The following SPATA13 variants were observed in gnomAD, a reference collection of about 807,000 sequenced individuals.
SPATA13 encodes the protein spermatogenesis-associated protein 13.
Under a neutral mutation model 104.0 loss-of-function variants are expected in SPATA13, and 50 were observed. The ratio of observed to expected loss-of-function variants is 0.48; its 90% CI spans 0.38 to 0.61. The LOEUF is 0.61. SPATA13 is among the 20% of genes least tolerant of loss of function. The pLI is 0.00. For synonymous variants in SPATA13, 606 were observed against 667.5 expected, an observed-to-expected ratio of 0.91 and a Z score of 1.42; for missense variants, 1,524 against 1,690.6, an observed-to-expected ratio of 0.90 and a Z score of 1.73.
chr13:24,056,439 AC>A (rs1489094665), intron 3 of SPATA13, among the ~76,000 whole-genome samples: 4 of 152,204 alleles, frequency 2.6e-5, no homozygotes, highest in Admixed American at 6.5e-5. Flanking sequence ...CCATTTCCAT[AC>A]AAGACATATG....
At chr13:24,195,187 A>G (rs1869984679) in intron 1 of SPATA13, among the ~76,000 whole-genome samples, 1 of 152,120 alleles carries the variant, frequency 6.6e-6, no homozygotes, top group African/African-American at 2.4e-5. Flanking sequence ...GACATTTCCT[A>G]TCAATGGAAT....
intron 4 of SPATA13, among the ~76,000 whole-genome samples, chr13:24,261,200 C>G (rs991377729): frequency 1.3e-5 from 2 of 152,112 alleles, no homozygotes; most frequent in African/African-American, 2.4e-5. Context: ...TCTGTTGCCT[C>G]GGAAAATGAT....
chr13:24,226,919 C>T (rs960232257), intron 2 of SPATA13, among the ~76,000 whole-genome samples: 1 of 152,244 alleles, frequency 6.6e-6, no homozygotes, highest in East Asian at 1.9e-4. Flanking sequence ...AGAAGTGAGA[C>T]TGCATATTGT....
chr13:24,167,979 G>A (rs1023515885), intron 1 of SPATA13, among the ~76,000 whole-genome samples: 6 of 151,986 alleles, frequency 3.9e-5, no homozygotes, highest in African/African-American at 1.5e-4. Flanking sequence ...GACAAAGTAG[G>A]GTTTTTTTGG....
chr13:24,182,147 G>A (rs1210707857), intron 1 of SPATA13, among the ~76,000 whole-genome samples: 2 of 152,174 alleles, frequency 1.3e-5, no homozygotes, highest in Non-Finnish European at 2.9e-5. Flanking sequence ...TGGGGAAAGA[G>A]GCCTGGCCAG....
At chr13:24,042,636 A>C (rs574192969) in intron 3 of SPATA13, among the ~76,000 whole-genome samples, 1 of 152,090 alleles carries the variant, frequency 6.6e-6, no homozygotes, top group Non-Finnish European at 1.5e-5. Context: ...ATTCATTACC[A>C]GGGGGTAAAC....
intron 7 of SPATA13, among the ~76,000 whole-genome samples, chr13:24,288,095 G>A (rs1418516759): frequency 6.6e-6 from 1 of 152,182 alleles, no homozygotes; most frequent in Non-Finnish European, 1.5e-5. Context: ...AGGGAAATAA[G>A]AGGAAGTGCC....
At chr13:24,116,245 G>C (rs1399028377) in intron 3 of SPATA13, among the ~76,000 whole-genome samples, 1 of 152,212 alleles carries the variant, frequency 6.6e-6, no homozygotes, top group Non-Finnish European at 1.5e-5. Flanking sequence ...TCTTCTCACT[G>C]TGTCCTCACG....
chr13:24,107,735 C>T (rs964601598), intron 3 of SPATA13, among the ~76,000 whole-genome samples: 2 of 152,144 alleles, frequency 1.3e-5, no homozygotes, highest in Non-Finnish European at 2.9e-5. Flanking sequence ...TGGGAGTTCC[C>T]AGATCCCAGA....
chr13:24,029,435 A>G (rs984839785), intron 3 of SPATA13, among the ~76,000 whole-genome samples: 5 of 152,220 alleles, frequency 3.3e-5, no homozygotes, highest in African/African-American at 1.2e-4. Context: ...ACAGATTCTC[A>G]GGAGTAGGGT....
At chr13:23,983,225 T>C (rs1208493715) in intron 1 of SPATA13, among the ~76,000 whole-genome samples, 1 of 141,076 alleles carries the variant, frequency 7.1e-6, no homozygotes, top group African/African-American at 2.5e-5. Context: ...TCAAGGAGTC[T>C]GCAGGGATGG....
chr13:24,240,816 A>G (rs1872796110), intron 2 of SPATA13, among the ~76,000 whole-genome samples: 1 of 152,218 alleles, frequency 6.6e-6, no homozygotes, highest in South Asian at 2.1e-4. Context: ...CGCATCTTTT[A>G]TCATCCACGT....
chr13:24,183,456 T>G (rs1868936848), intron 1 of SPATA13, among the ~76,000 whole-genome samples: 1 of 152,166 alleles, frequency 6.6e-6, no homozygotes, highest in South Asian at 2.1e-4. Flanking sequence ...ATGTTGTAAG[T>G]TTTCCAAGAG....
intron 3 of SPATA13, among the ~76,000 whole-genome samples, chr13:24,030,068 A>ACG (rs1280302003): frequency 8.2e-6 from 1 of 122,638 alleles, no homozygotes; most frequent in African/African-American, 3.1e-5. Context: ...ACACACACGC[A>ACG]CACACACACA....
At chr13:24,217,402 C>T (rs1207508789) in intron 1 of SPATA13, among the ~76,000 whole-genome samples, 12 of 152,190 alleles carry the variant, frequency 7.9e-5, no homozygotes, top group Admixed American at 7.9e-4. Context: ...AACAAAGAAC[C>T]ATCTGGCCCA....
chr13:24,251,663 T>G (rs1873489023), intron 3 of SPATA13, 55 bp from the exon 4 acceptor site: 1 of 1,601,550 alleles, frequency 6.2e-7, no homozygotes, highest in Admixed American at 1.7e-5. Context: ...GTGAGGTGCT[T>G]GCAAGAGCTG....
intron 3 of SPATA13, among the ~76,000 whole-genome samples, chr13:24,153,197 G>A (rs147532136): frequency 1.6e-3 from 238 of 152,306 alleles, no homozygotes; most frequent in African/African-American, 5.4e-3. Flanking sequence ...GCCTGGCAAA[G>A]GAGCTGTCAT....
chr13:24,238,537 G>A (rs1017475768), intron 2 of SPATA13, among the ~76,000 whole-genome samples: 8 of 152,058 alleles, frequency 5.3e-5, no homozygotes, highest in Non-Finnish European at 1.2e-4. Flanking sequence ...CCCTTTTCTG[G>A]CCATTTGTTT....
chr13:24,246,678 T>TGAA (rs1379294899), intron 2 of SPATA13, among the ~76,000 whole-genome samples: 2 of 152,012 alleles, frequency 1.3e-5, no homozygotes, highest in Non-Finnish European at 2.9e-5. Flanking sequence ...GCCAACATGG[T>TGAA]GAAACCGTGT....
Sources: allele counts gnomAD v4.1 joint callset (sites outside exome capture counted in the v4.1 genomes callset), GRCh38; gene constraint gnomAD v4.1.1; transcripts MANE v1.5; gene names NCBI Gene and HGNC (gene_info 2026-07-23, HGNC 2026-07-21).